The following PGPEP1L variants were observed in gnomAD, a reference collection of about 807,000 sequenced individuals.
The protein encoded by PGPEP1L is pyroglutamyl-peptidase I like, also known as pyroglutamyl-peptidase 1-like protein.
A neutral mutation model predicts 6.0 loss-of-function variants in PGPEP1L; 7 were observed. The ratio of observed to expected loss-of-function variants is 1.17; its 90% CI spans 0.66 to 2.19. The LOEUF is 2.19. PGPEP1L is among the 30% of genes most tolerant of loss of function. The probability of loss-of-function intolerance (pLI) is 0.00; values close to 1 mark genes in which losing one functional copy is unlikely to be tolerated. For missense variants in PGPEP1L, 209 were observed against 192.5 expected (o/e 1.09, Z -0.51); for synonymous variants, 103 against 83.9 (o/e 1.23, Z -1.24).
intron 2 of PGPEP1L, among the ~76,000 whole-genome samples, chr15:98,979,025 GC>G: frequency 1.2e-5 from 1 of 84,828 alleles, no homozygotes; most frequent in South Asian, 4.9e-4. Flanking sequence ...GCCGCGCCTG[GC>G]TACAGGATAT....
rs1436589240 is a variant in PGPEP1L at position 98,969,575 on chromosome 15, C to T, written c.59G>A (p.Arg20Gln). The T allele has an allele frequency of 5.0e-6, 8 of 1,613,866 alleles. No individual in the cohort carries two copies. The highest frequency in any genetic ancestry group is 4.4e-5 in the South Asian group (4 of 91,080). The change falls in exon 4 of 5, where the codon CGG becomes CAG. Residue 20 changes from arginine to glutamine, a missense_variant. Coordinates refer to ENST00000535714, the MANE Select transcript of PGPEP1L (RefSeq NM_001167902.2). Reference sequence around the variant, plus strand: ...CCAGAAGCTGCGGATGTCGGCGTCCCGGTAGCCTTGGTTCTTGCCAGACTG... The same window carrying T: ...CCAGAAGCTGCGGATGTCGGCGTCCTGGTAGCCTTGGTTCTTGCCAGACTG... Reference protein sequence around the residue: ...LEQSGKNQGYRDADIRSFWPE... With the variant: ...LEQSGKNQGYQDADIRSFWPE...
At chr15:99,004,691 C>G (rs1263411985) in intron 2 of PGPEP1L, among the ~76,000 whole-genome samples, 1 of 152,260 alleles carries the variant, frequency 6.6e-6, no homozygotes, top group East Asian at 1.9e-4. Context: ...GCACTCTAGC[C>G]TAGCGACAGA....
At chr15:99,000,345 C>T (rs1300854515) in intron 2 of PGPEP1L, among the ~76,000 whole-genome samples, 7 of 152,220 alleles carry the variant, frequency 4.6e-5, no homozygotes, top group African/African-American at 1.4e-4. Flanking sequence ...CCCTGCTCCA[C>T]GGCGCCCAGT....
intron 1 of PGPEP1L, among the ~76,000 whole-genome samples, chr15:99,006,191 C>T (rs1296946438): frequency 9.2e-5 from 14 of 152,208 alleles, no homozygotes; most frequent in Non-Finnish European, 1.2e-4. Context: ...ATCGCAGCAC[C>T]GGATCCTGTA....
At chr15:99,001,711 T>TTAC (rs374796766) in intron 2 of PGPEP1L, among the ~76,000 whole-genome samples, 1 of 151,146 alleles carries the variant, frequency 6.6e-6, no homozygotes, top group Non-Finnish European at 1.5e-5. Flanking sequence ...TATTTGTGTT[T>TTAC]TTTATTTTTG....
rs148690350 is a variant in PGPEP1L at position 98,972,329 on chromosome 15, G to C, written c.-141-1171C>G. Among the ~76,000 whole-genome samples, 383 of 150,072 alleles carry C rather than the reference G, an allele frequency of 2.6e-3. 6 individuals are homozygous for C. Among genetic ancestry groups the C allele is most frequent in the African/African-American group, 9.1e-3 (372 of 40,872 alleles). On this transcript the variant is annotated intron_variant, in intron 2 of 4. Coordinates refer to ENST00000535714, the MANE Select transcript of PGPEP1L (RefSeq NM_001167902.2). ...GATCGTGCCATCGCACTCCAGCCTG[G>C]GCAACAAGAGCAAAACTCCGTCTCA...
intron 2 of PGPEP1L, among the ~76,000 whole-genome samples, chr15:99,002,641 A>T (rs782611765): frequency 2.9e-4 from 42 of 143,830 alleles, no homozygotes; most frequent in Non-Finnish European, 4.8e-4. Context: ...AAATTCCTAT[A>T]TTTATTTCAA....
At chr15:98,970,751 C>T (rs2017481905) in intron 3 of PGPEP1L, among the ~76,000 whole-genome samples, 1 of 152,198 alleles carries the variant, frequency 6.6e-6, no homozygotes, top group Non-Finnish European at 1.5e-5. Flanking sequence ...AGGGCCTCTC[C>T]CTTAGGTGGA....
At chr15:98,979,633 C>CTTTTTTTTTTTTTTTTTTTTT (rs568793204) in intron 2 of PGPEP1L, among the ~76,000 whole-genome samples, 1 of 46,468 alleles carries the variant, frequency 2.2e-5, no homozygotes, top group Non-Finnish European at 4.7e-5. Flanking sequence ...GGAGACTATT[C>CTTTTTTTTTTTTTTTTTTTTT]TTTTTTTTTT....
intron 2 of PGPEP1L, among the ~76,000 whole-genome samples, chr15:98,972,481 A>G (rs748399720): frequency 1.8e-4 from 27 of 152,192 alleles, no homozygotes; most frequent in Non-Finnish European, 3.5e-4. Context: ...GAAGGGATCT[A>G]CAAAGCAACC....
Position 99,007,569 on chromosome 15 carries a change from T to C in PGPEP1L, c.-580A>G, listed in dbSNP as rs8037843. The C allele has an allele frequency of 0.83, 126,790 of 152,040 alleles. 53,031 individuals carry two copies. The highest frequency in any genetic ancestry group is 0.93 in the East Asian group (4,822 of 5,158). 9.4% of individuals were successfully genotyped at this position (152,040 alleles called of 1,614,324 possible). A position where few individuals can be genotyped will look rare whatever the true frequency, so the allele number is the denominator to read the frequency against. On this transcript the variant is annotated 5_prime_UTR_variant, in exon 1 of 5. It removes an upstream start codon present in the reference 5' UTR. Coordinates refer to ENST00000535714, the MANE Select transcript of PGPEP1L (RefSeq NM_001167902.2). Reference sequence around the variant, plus strand: ...TCAGGAGTGAAGCTACGGACCTTCATCATGAGTGCTACGGCTCTTAAGGTG... The same window carrying C: ...TCAGGAGTGAAGCTACGGACCTTCACCATGAGTGCTACGGCTCTTAAGGTG...
chr15:99,005,358 G>A (rs531923595), intron 2 of PGPEP1L, 71 bp downstream of exon 2: 1 of 152,526 alleles, frequency 6.6e-6, no homozygotes, highest in African/African-American at 2.4e-5. Flanking sequence ...CCCAGGATCA[G>A]GCCAGTGCGC....
chr15:99,002,565 T>A (rs1387812330), intron 2 of PGPEP1L, among the ~76,000 whole-genome samples: 3 of 152,160 alleles, frequency 2.0e-5, no homozygotes, highest in African/African-American at 7.2e-5. Context: ...ATATTGAAAA[T>A]GTTAATATGT....
rs182287577 is a variant in PGPEP1L, at chr15:99,001,127, C to G, written c.-142+4302G>C. ...CAGAAGGAAGAAACTCTGAACACAT[C>G]CAAACATCAGTCAAGAAATAAACTC... On this transcript the variant is annotated intron_variant, in intron 2 of 4. Transcript: ENST00000535714. The G allele has an allele frequency of 1.3e-4, 57 of 446,374 alleles. No homozygotes were observed. The East Asian group carries it at 3.8e-3, about 29-fold the overall frequency. 27.7% of individuals were successfully genotyped at this position (446,374 alleles called of 1,614,324 possible).
At chr15:98,977,366 A>G (rs966106984) in intron 2 of PGPEP1L, among the ~76,000 whole-genome samples, 1 of 152,252 alleles carries the variant, frequency 6.6e-6, no homozygotes, top group African/African-American at 2.4e-5. Flanking sequence ...TTAGTGCCAT[A>G]AATTTCCCTC....
At chr15:98,975,491 A>C (rs1019885918) in intron 2 of PGPEP1L, among the ~76,000 whole-genome samples, 13 of 152,208 alleles carry the variant, frequency 8.5e-5, no homozygotes, top group Non-Finnish European at 1.6e-4. Flanking sequence ...CAGCACAAAG[A>C]AATAAGTGTT....
At chr15:98,972,294 A>G (rs959888723) in intron 2 of PGPEP1L, among the ~76,000 whole-genome samples, 11 of 152,170 alleles carry the variant, frequency 7.2e-5, no homozygotes, top group Non-Finnish European at 1.3e-4. Context: ...CAGAGGTTGC[A>G]GTGAACTGAG....
intron 2 of PGPEP1L, among the ~76,000 whole-genome samples, chr15:98,980,119 AAATCACCACT>A (rs1404159026): frequency 1.1e-4 from 17 of 152,330 alleles, no homozygotes; most frequent in Middle Eastern, 3.4e-3. Context: ...AAAATCTCAC[AAATCACCACT>A]AAAGAACTTA....
rs1479896165 is a variant in PGPEP1L, at chr15:99,003,592, G to A, written c.-142+1837C>T. Among the ~76,000 whole-genome samples, 3 of 152,194 alleles carry A rather than the reference G, an allele frequency of 2.0e-5. No homozygotes were observed. The East Asian group carries it at 5.8e-4, about 29-fold the overall frequency. On this transcript the variant is annotated intron_variant, in intron 2 of 4. Transcript: ENST00000535714. ...TCGTTCTCCCACCATCTGTCTACAT[G>A]CCAATTGTCTTGAGGAGATTTACAC...
Sources: gnomAD v4.1 joint callset for allele counts (sites outside exome capture counted in the v4.1 genomes callset) on GRCh38, gnomAD v4.1.1 for gene constraint, MANE v1.5 for transcripts, NCBI Gene and HGNC (gene_info 2026-07-23, HGNC 2026-07-21) for gene names.